KIF19: variants seen among roughly 807,000 people sequenced by gnomAD.
KIF19 encodes kinesin-like protein KIF19.
Under a neutral mutation model 106.6 loss-of-function variants are expected in KIF19, and 98 were observed. That is an observed-to-expected ratio of 0.92 (90% CI 0.78 to 1.09). The LOEUF (loss-of-function observed/expected upper bound fraction) is 1.09. KIF19 is among the 50% of genes least tolerant of loss of function. KIF19 has a pLI of 0.00. For synonymous variants in KIF19, 516 were observed against 584.2 expected, an observed-to-expected ratio of 0.88 and a Z score of 1.68; for missense variants, 1,373 against 1,414.3, an observed-to-expected ratio of 0.97 and a Z score of 0.47.
chr17:74,340,683 C>T (rs1205713461), intron 2 of KIF19, among the ~76,000 whole-genome samples: 1 of 152,252 alleles, frequency 6.6e-6, no homozygotes, highest in Admixed American at 6.5e-5. Context: ...CCACCCTTTC[C>T]ACTCCCGGCT....
intron 2 of KIF19, among the ~76,000 whole-genome samples, chr17:74,334,941 C>T (rs1446036047): frequency 5.3e-5 from 8 of 152,190 alleles, no homozygotes; most frequent in Non-Finnish European, 7.3e-5. Flanking sequence ...GATTTCTCCT[C>T]TCAAGGCTAC....
At chr17:74,351,795 G>C in intron 12 of KIF19, 72 bp from the exon 13 acceptor site, 1 of 1,354,888 alleles carries the variant, frequency 7.4e-7, no homozygotes, top group Non-Finnish European at 9.5e-7. Flanking sequence ...GCGCTGGAGG[G>C]TCGAGGACGA....
At chr17:74,344,597 A>G (rs1555622388) in intron 6 of KIF19, among the ~76,000 whole-genome samples, 164 bp from the exon 7 acceptor site, 1 of 152,222 alleles carries the variant, frequency 6.6e-6, no homozygotes, top group Non-Finnish European at 1.5e-5. Flanking sequence ...CAGAGAGCCG[A>G]GGCCCACGCC....
At position 74,339,290 on chromosome 17, in the gene KIF19, C is replaced by T. The variant is rs537926715; in HGVS notation, c.121-2586C>T. ...CAGCTGGGACCCAGACTGCCAGGCC[C>T]CAGTCCTGGCTCTGCCATTTCCTAG... On this transcript the variant is annotated intron_variant, in intron 2 of 19. Coordinates refer to ENST00000389916, the MANE Select transcript of KIF19 (RefSeq NM_153209.4). Among the ~76,000 whole-genome samples the T allele has an allele frequency of 1.1e-4, 16 of 150,904 alleles. No individual in the cohort carries two copies. In the East Asian group the frequency reaches 3.1e-3, roughly 29 times the overall value.
At chr17:74,335,193 A>C (rs2054190175) in intron 2 of KIF19, among the ~76,000 whole-genome samples, 1 of 152,170 alleles carries the variant, frequency 6.6e-6, no homozygotes, top group Non-Finnish European at 1.5e-5. Context: ...GAAGGGTGCG[A>C]CTGGCATCTA....
intron 2 of KIF19, among the ~76,000 whole-genome samples, chr17:74,333,228 C>T (rs2054139799): frequency 6.6e-6 from 1 of 152,154 alleles, no homozygotes; most frequent in Non-Finnish European, 1.5e-5. Flanking sequence ...GGATTCTTTA[C>T]CTCTCCCCGC....
Position 74,355,468 on chromosome 17 carries a change from C to T in KIF19, c.*156C>T. On this transcript the variant is annotated 3_prime_UTR_variant, in exon 20 of 20. Transcript: ENST00000389916. Reference sequence around the variant, plus strand: ...TGAGACCCAGGAACTGGGGTCTCTGCCCAACCCTCCCATGCTTTCAGTGCC... The same window carrying T: ...TGAGACCCAGGAACTGGGGTCTCTGTCCAACCCTCCCATGCTTTCAGTGCC... 2.2e-6 allele frequency: 2 copies of T among 928,196 alleles called. No homozygotes were observed. Among genetic ancestry groups the T allele is most frequent in the Non-Finnish European group, 3.1e-6 (2 of 647,250 alleles). The allele number at this position is 928,196 out of a possible 1,614,324, so 57.5% of individuals were successfully genotyped here.
chr17:74,334,132 C>T (rs1238588252), intron 2 of KIF19, among the ~76,000 whole-genome samples: 1 of 152,158 alleles, frequency 6.6e-6, no homozygotes, highest in African/African-American at 2.4e-5. Context: ...GTCACCTGAA[C>T]TTCACTCCTT....
At chr17:74,334,847 C>A (rs1272629033) in intron 2 of KIF19, among the ~76,000 whole-genome samples, 1 of 152,156 alleles carries the variant, frequency 6.6e-6, no homozygotes, top group African/African-American at 2.4e-5. Flanking sequence ...GGGGCTGTGG[C>A]CTGGCTCCCT....
At chr17:74,342,093 C>G (rs935383189) in intron 3 of KIF19, 107 bp downstream of exon 3, 2 of 763,332 alleles carry the variant, frequency 2.6e-6, no homozygotes, top group Non-Finnish European at 4.4e-6. Flanking sequence ...AGCCTCCACT[C>G]CACCTGCTCA....
intron 2 of KIF19, among the ~76,000 whole-genome samples, chr17:74,337,708 A>G (rs1109756): frequency 0.44 from 66,452 of 151,978 alleles, 14,735 homozygotes; most frequent in Non-Finnish European, 0.48. Flanking sequence ...ATGATCCTTG[A>G]GGGTCGGAAG....
Position 74,352,832 on chromosome 17 carries a change from G to A in KIF19, c.1992G>A (p.Leu664=), listed in dbSNP as rs372427356. The A allele has an allele frequency of 1.9e-6, 3 of 1,613,936 alleles. No homozygotes were observed. The highest frequency in any genetic ancestry group is 2.5e-6 in the Non-Finnish European group (3 of 1,179,882). The part of the protein sequence containing the change: ...VASRALQDSS[L]PKITPAGTSL... ...TCCCTCCTCCCCAGGACAGCTCCTT[G>A]CCCAAAATTACCCCAGCAGGAACCT... Residue 664 remains leucine (L), a synonymous_variant, in exon 15 of 20, where the codon TTG becomes TTA. Transcript: ENST00000389916.
At chr17:74,353,030 T>G (rs2054764185) in intron 15 of KIF19, 76 bp downstream of exon 15, 1 of 1,563,848 alleles carries the variant, frequency 6.4e-7, no homozygotes, top group African/African-American at 1.4e-5. Flanking sequence ...TAAGGCTAAA[T>G]GGGGAACACA....
chr17:74,334,281 G>A (rs1352104934), intron 2 of KIF19, among the ~76,000 whole-genome samples: 1 of 152,174 alleles, frequency 6.6e-6, no homozygotes, highest in Non-Finnish European at 1.5e-5. Flanking sequence ...CTCAGCATCT[G>A]GATGGATACA....
Position 74,354,237 on chromosome 17 carries a change from C to T in KIF19, c.2384C>T (p.Thr795Ile). Reference sequence around the variant, plus strand: ...CGGCGGCGCTCGCGGGCCCTGGGAACCGAGGGGCGACACCTGCTGGCACCC... The same window carrying T: ...CGGCGGCGCTCGCGGGCCCTGGGAATCGAGGGGCGACACCTGCTGGCACCC... ...AARRRSRALG[T>I]EGRHLLAPAT... Residue 795 changes from threonine to isoleucine, a missense_variant, in exon 18 of 20, where the codon ACC becomes ATC. Around this residue, in one of 3 missense-constraint regions of KIF19, gnomAD observed 1,020 missense variants for 1,008.2 expected, o/e 1.01. Transcript: ENST00000389916. 6.2e-7 allele frequency: 1 copy of T among 1,608,662 alleles called. No individual in the cohort carries two copies. The highest frequency in any genetic ancestry group is 8.5e-7 in the Non-Finnish European group (1 of 1,179,402).
rs192251622 is a variant in KIF19, at chr17:74,344,604, C to T, written c.583-157C>T. Among the ~76,000 whole-genome samples the T allele has an allele frequency of 1.9e-4, 29 of 152,362 alleles. No individual in the cohort carries two copies. In the South Asian group the frequency reaches 3.9e-3, roughly 21 times the overall value. ...CTGACCTCCAGAGAGCCGAGGCCCA[C>T]GCCAGGCCTCTCAGCACACGGAGCC... is the stretch of plus-strand genomic sequence containing the variant. On this transcript the variant is annotated intron_variant, in intron 6 of 19. Coordinates refer to ENST00000389916, the MANE Select transcript of KIF19 (RefSeq NM_153209.4).
intron 18 of KIF19, 88 bp downstream of exon 18, chr17:74,354,647 C>T (rs568192237): frequency 2.3e-4 from 347 of 1,533,948 alleles, no homozygotes; most frequent in Non-Finnish European, 2.9e-4. Flanking sequence ...CTCCAGGGCA[C>T]CTCTAGCCTA....
chr17:74,341,728 A>G, intron 2 of KIF19, 148 bp from the exon 3 acceptor site: 1 of 630,964 alleles, frequency 1.6e-6, no homozygotes, highest in South Asian at 1.8e-5. Context: ...CCACATCCTG[A>G]GGCGACGAGG....
chr17:74,349,209 C>T lies in KIF19; in HGVS notation c.1073C>T (p.Ser358Phe), dbSNP rs2144278875. The T allele has an allele frequency of 1.2e-6, 2 of 1,613,864 alleles. No individual in the cohort carries two copies. The highest frequency in any genetic ancestry group is 1.7e-6 in the Non-Finnish European group (2 of 1,179,884). Residue 358 changes from serine (S) to phenylalanine (F), a missense_variant, in exon 10 of 20, where the codon TCC becomes TTC. Coordinates refer to ENST00000389916, the MANE Select transcript of KIF19 (RefSeq NM_153209.4). Reference sequence around the variant, plus strand: ...GTGAAGCAGAACCTCCTGAACGTCTCCTACCACATCGCCCAGTACACCAGC... The same window carrying T: ...GTGAAGCAGAACCTCCTGAACGTCTTCTACCACATCGCCCAGTACACCAGC... ...TRVKQNLLNV[S>F]YHIAQYTSII...
Sources: gnomAD v4.1 joint callset for allele counts (sites outside exome capture counted in the v4.1 genomes callset) on GRCh38, gnomAD v4.1.1 for gene constraint, gnomAD v4.1.1 regional missense constraint, MANE v1.5 for transcripts, NCBI Gene and HGNC (gene_info 2026-07-23, HGNC 2026-07-21) for gene names.